The following LRBA variants were observed in gnomAD, a reference collection of about 807,000 sequenced individuals.
LRBA encodes lipopolysaccharide-responsive and beige-like anchor protein.
In LRBA, 176 loss-of-function variants were observed where a neutral mutation model predicts 330.0. That is an observed-to-expected ratio of 0.53 (90% CI 0.47 to 0.60). LRBA has a LOEUF of 0.60. Among genes scored for constraint, LRBA ranks in the 20% least tolerant of loss-of-function variants. The probability of loss-of-function intolerance (pLI) is 0.00; values close to 1 mark genes in which losing one functional copy is unlikely to be tolerated. For synonymous variants in LRBA, 1,230 were observed against 1,193.0 expected (o/e 1.03, Z -0.64); for missense variants, 3,259 against 3,444.8 (o/e 0.95, Z 1.35).
chr4:150,745,481 C>T (rs1328399853), intron 35 of LRBA, among the ~76,000 whole-genome samples: 1 of 151,986 alleles, frequency 6.6e-6, no homozygotes, highest in African/African-American at 2.4e-5. Flanking sequence ...ACAGTATGAA[C>T]AAAGTTATAA....
intron 40 of LRBA, chr4:150,581,857 T>A (rs1315687131): frequency 6.6e-6 from 1 of 152,248 alleles, no homozygotes; most frequent in African/African-American, 2.4e-5. Context: ...TTGTAGGAAC[T>A]GAAGCTCCAC....
chr4:150,682,376 G>A (rs769329451), intron 37 of LRBA, among the ~76,000 whole-genome samples: 158 of 152,250 alleles, frequency 1.0e-3, no homozygotes, highest in Middle Eastern at 3.4e-3. Flanking sequence ...TGCACCTGCA[G>A]ATCAACTGAA....
At chr4:150,269,189 C>G (rs758605388) in intron 56 of LRBA, among the ~76,000 whole-genome samples, 1 of 152,056 alleles carries the variant, frequency 6.6e-6, no homozygotes, top group Admixed American at 6.6e-5. Flanking sequence ...CCCTAACAGC[C>G]AAAACAATCT....
At chr4:150,397,939 A>G (rs1306110018) in intron 47 of LRBA, among the ~76,000 whole-genome samples, 1 of 152,226 alleles carries the variant, frequency 6.6e-6, no homozygotes, top group Admixed American at 6.5e-5. Flanking sequence ...CTAAAAATCT[A>G]AAGTTTAATG....
chr4:150,513,232 T>C (rs896254800), intron 40 of LRBA, among the ~76,000 whole-genome samples: 1 of 152,220 alleles, frequency 6.6e-6, no homozygotes, highest in African/African-American at 2.4e-5. Context: ...TAGAGGAAAG[T>C]AGTAATTGCC....
chr4:150,505,913 GA>G (rs1377672748), intron 40 of LRBA, among the ~76,000 whole-genome samples: 3 of 152,146 alleles, frequency 2.0e-5, no homozygotes, highest in Non-Finnish European at 4.4e-5. Flanking sequence ...CGATCCCACA[GA>G]AATACAAACT....
At chr4:150,500,644 G>A (rs1224178551) in intron 40 of LRBA, among the ~76,000 whole-genome samples, 1 of 152,164 alleles carries the variant, frequency 6.6e-6, no homozygotes, top group Non-Finnish European at 1.5e-5. Context: ...TCAAGTTAGA[G>A]TAATATCAGT....
intron 40 of LRBA, among the ~76,000 whole-genome samples, chr4:150,505,256 C>A (rs1760892747): frequency 6.6e-6 from 1 of 152,174 alleles, no homozygotes; most frequent in Non-Finnish European, 1.5e-5. Context: ...AACTCTCCAC[C>A]CCAAATCAAC....
chr4:150,475,005 T>C (rs1049004606), intron 42 of LRBA, among the ~76,000 whole-genome samples: 3 of 152,210 alleles, frequency 2.0e-5, no homozygotes, highest in African/African-American at 7.2e-5. Context: ...TGAATGTGTG[T>C]TGAATTTGGT....
intron 23 of LRBA, 123 bp downstream of exon 23, chr4:150,851,762 G>C (rs1399360420): frequency 1.0e-6 from 1 of 954,938 alleles, no homozygotes; most frequent in Non-Finnish European, 1.5e-6. Context: ...CACATTCATT[G>C]CATTTATTTA....
intron 42 of LRBA, among the ~76,000 whole-genome samples, chr4:150,483,231 A>C (rs943237560): frequency 2.0e-5 from 3 of 151,982 alleles, no homozygotes; most frequent in Admixed American, 2.0e-4. Flanking sequence ...GTTCATCATC[A>C]TTTGTTAAAA....
intron 22 of LRBA, among the ~76,000 whole-genome samples, chr4:150,857,248 T>A (rs1304481254): frequency 6.6e-6 from 1 of 152,114 alleles, no homozygotes; most frequent in Non-Finnish European, 1.5e-5. Flanking sequence ...TGCCACCACA[T>A]TAATGAGATC....
Position 150,436,880 on chromosome 4 carries a change from G to A in LRBA, c.6781-16C>T. 1 of 1,609,668 alleles carries A rather than the reference G, an allele frequency of 6.2e-7. No individual in the cohort carries two copies. The highest frequency in any genetic ancestry group is 8.5e-7 in the Non-Finnish European group (1 of 1,177,740). ...CTCCTATTGGCTGCCAATAGGGAGGGAAAAAACAAAGAATACATCAATGTA... is the reference window on the plus strand; with the variant it reads ...CTCCTATTGGCTGCCAATAGGGAGGAAAAAAACAAAGAATACATCAATGTA... On this transcript the variant is annotated splice_polypyrimidine_tract_variant and intron_variant, in intron 44 of 56. Coordinates refer to ENST00000651943, the MANE Select transcript of LRBA (RefSeq NM_001364905.1).
At chr4:150,442,806 A>G (rs1055966421) in intron 44 of LRBA, among the ~76,000 whole-genome samples, 12 of 152,306 alleles carry the variant, frequency 7.9e-5, no homozygotes, top group Admixed American at 2.0e-4. Context: ...TAACATATTA[A>G]GTAAAAAATT....
rs116240182 is a variant in LRBA, at chr4:150,366,483, G to A, written c.7195-16324C>T. Among the ~76,000 whole-genome samples the A allele has an allele frequency of 5.0e-3, 768 of 152,284 alleles. 6 individuals carry two copies. Among genetic ancestry groups the A allele is most frequent in the African/African-American group, 0.018 (736 of 41,556 alleles). On this transcript the variant is annotated intron_variant, in intron 47 of 56. Coordinates refer to ENST00000651943, the MANE Select transcript of LRBA (RefSeq NM_001364905.1). Reference sequence around the variant, plus strand: ...ATTTTTCTTAAATATGAGGTGAAAAGACAAACAGCATGGCAAGAGTTAATT... The same window carrying A: ...ATTTTTCTTAAATATGAGGTGAAAAAACAAACAGCATGGCAAGAGTTAATT...
At chr4:150,578,158 G>T (rs1770774738) in intron 40 of LRBA, among the ~76,000 whole-genome samples, 1 of 152,170 alleles carries the variant, frequency 6.6e-6, no homozygotes, top group Non-Finnish European at 1.5e-5. Flanking sequence ...AATTCTCTAT[G>T]CAAGAAAGTA....
At chr4:150,932,384 T>C (rs377583076) in intron 2 of LRBA, among the ~76,000 whole-genome samples, 1 of 150,578 alleles carries the variant, frequency 6.6e-6, no homozygotes, top group African/African-American at 2.4e-5. Flanking sequence ...AAAAGAAAAT[T>C]TAGGCAAAGG....
At chr4:150,680,328 A>G (rs547301800) in intron 37 of LRBA, among the ~76,000 whole-genome samples, 10 of 152,304 alleles carry the variant, frequency 6.6e-5, no homozygotes, top group Middle Eastern at 3.4e-3. Flanking sequence ...TTACTTACCA[A>G]TGCAATAGTC....
At chr4:150,443,853 A>ATAT (rs771939318) in intron 44 of LRBA, among the ~76,000 whole-genome samples, 1 of 75,470 alleles carries the variant, frequency 1.3e-5, no homozygotes, top group African/African-American at 3.9e-5. Context: ...TAATTAAAAA[A>ATAT]ATATATATAT....
Sources: allele counts gnomAD v4.1 joint callset (sites outside exome capture counted in the v4.1 genomes callset), GRCh38; gene constraint gnomAD v4.1.1; transcripts MANE v1.5; gene names NCBI Gene and HGNC (gene_info 2026-07-23, HGNC 2026-07-21).